Variants in LRIF1 observed in about 807,000 individuals in gnomAD.
LRIF1 encodes the protein ligand-dependent nuclear receptor-interacting factor 1.
Under a neutral mutation model 52.7 loss-of-function variants are expected in LRIF1, and 32 were observed. The observed-to-expected ratio is 0.61, with a 90% CI of 0.46 to 0.82. LRIF1 has a LOEUF of 0.82. Among genes scored for constraint, LRIF1 ranks in the 40% least tolerant of loss-of-function variants. The pLI, the probability that LRIF1 is intolerant of heterozygous loss-of-function variation, is 0.00. For missense variants in LRIF1, 887 were observed against 892.0 expected, an observed-to-expected ratio of 0.99 and a Z score of 0.07; for synonymous variants, 323 against 317.4, an observed-to-expected ratio of 1.02 and a Z score of -0.19.
At chr1:110,946,383 GTTTTGAACAT>G (rs1251831786), downstream of LRIF1, among the ~76,000 whole-genome samples, 2 of 152,160 alleles carry the variant, frequency 1.3e-5, no homozygotes, top group Non-Finnish European at 2.9e-5. Context: ...TTTGGGGGAT[GTTTTGAACAT>G]TTTGAAAATG....
chr1:110,929,323 C>G, the LRIF1 span, among the ~76,000 whole-genome samples: 1 of 152,132 alleles, frequency 6.6e-6, no homozygotes, highest in Non-Finnish European at 1.5e-5. Flanking sequence ...GATTTTGGCT[C>G]TTTGAGGAAT....
intron 1 of LRIF1, among the ~76,000 whole-genome samples, chr1:110,957,490 A>AAAAAAAAAAAAAAAAAAC: frequency 6.7e-6 from 1 of 149,686 alleles, no homozygotes; most frequent in African/African-American, 2.4e-5. Flanking sequence ...AAAAAAAAAA[A>AAAAAAAAAAAAAAAAAAC]AAGACTGCAA....
At chr1:110,954,459 T>C (rs1422707241) in intron 1 of LRIF1, among the ~76,000 whole-genome samples, 1 of 152,270 alleles carries the variant, frequency 6.6e-6, no homozygotes, top group Non-Finnish European at 1.5e-5. Flanking sequence ...TTTTGTATTT[T>C]TTATAGAGGC....
At chr1:110,943,692 A>C (rs912238191), downstream of LRIF1, 2 of 152,154 alleles carry the variant, frequency 1.3e-5, no homozygotes, top group African/African-American at 4.8e-5. Flanking sequence ...ATGTCTGGAT[A>C]TCTGGCCACT....
the LRIF1 span, among the ~76,000 whole-genome samples, chr1:110,904,347 G>A: frequency 5.9e-5 from 9 of 152,274 alleles, no homozygotes; most frequent in East Asian, 1.5e-3. Flanking sequence ...CTGGCTTGAG[G>A]TATGACCCAG....
chr1:110,927,212 TTCAA>T, the LRIF1 span, among the ~76,000 whole-genome samples: 1 of 152,146 alleles, frequency 6.6e-6, no homozygotes, highest in Non-Finnish European at 1.5e-5. Context: ...ATAGTTACGT[TTCAA>T]TCAGAGGAGC....
At chr1:110,900,341 C>A in the LRIF1 span, among the ~76,000 whole-genome samples, 1 of 152,094 alleles carries the variant, frequency 6.6e-6, no homozygotes, top group South Asian at 2.1e-4. Flanking sequence ...GATTCGGCAC[C>A]CAAAACAGAA....
At position 110,952,211 on chromosome 1, in the gene LRIF1, G is replaced by C; in HGVS notation, c.673C>G (p.Gln225Glu). 2 of 1,614,174 alleles carry C rather than the reference G, an allele frequency of 1.2e-6. No homozygotes were observed. The highest frequency in any genetic ancestry group is 1.7e-6 in the Non-Finnish European group (2 of 1,180,036). Residue 225 changes from glutamine to glutamate, a missense_variant, in exon 2 of 4, where the codon CAA becomes GAA. By Grantham distance (29) the Gln-to-Glu change is conservative (BLOSUM62 2). Transcript: ENST00000369763. The part of the protein sequence containing the change: ...TSTSGMVEAS[Q>E]MPTVIYVSPV... ...GATACATAAATAACGGTTGGCATTTGGGAGGCCTCAACCATTCCTGAGGTA... is the reference window on the plus strand; with the variant it reads ...GATACATAAATAACGGTTGGCATTTCGGAGGCCTCAACCATTCCTGAGGTA...
the LRIF1 span, chr1:110,897,643 C>T: frequency 4.2e-6 from 2 of 475,088 alleles, no homozygotes; most frequent in Non-Finnish European, 7.6e-6. Flanking sequence ...TTAATATTTC[C>T]CACCTTATGC....
rs1447418099 is a variant in LRIF1 at position 110,963,699 on chromosome 1, A to G, written c.-11T>C. The G allele has an allele frequency of 6.2e-7, 1 of 1,600,180 alleles. No homozygotes were observed. Among genetic ancestry groups the G allele is most frequent in the Admixed American group, 1.7e-5 (1 of 59,302 alleles). On this transcript the variant is annotated 5_prime_UTR_variant, in exon 1 of 4. Transcript: ENST00000369763. ...TAGGTTATTTGACATTTTAGTGGGG[A>G]GAAAGGGGACACCTCATCCAGAAAA...
the LRIF1 span, among the ~76,000 whole-genome samples, chr1:110,919,924 A>G: frequency 5.9e-5 from 9 of 152,220 alleles, no homozygotes; most frequent in African/African-American, 2.2e-4. Flanking sequence ...GAAGATATAC[A>G]GATGACAAAT....
In LRIF1 at chr1:110,952,601, A is replaced by G. The variant is rs767301300; in HGVS notation, c.283T>C (p.Leu95=). 2.5e-6 allele frequency: 4 copies of G among 1,614,078 alleles called. No homozygotes were observed. The highest frequency in any genetic ancestry group is 2.2e-5 in the East Asian group (1 of 44,874). ...SSSSTSASVQ[L]PIFQPASSSN... is the part of the protein sequence containing the mutation. ...GAACTGGCTGGCTGAAAAATGGGCA[A>G]TTGAACTGATGCACTTGTGGAAGAG... Residue 95 remains leucine, a synonymous_variant, in exon 2 of 4, where the codon TTG becomes CTG. Coordinates refer to ENST00000369763, the MANE Select transcript of LRIF1 (RefSeq NM_018372.4).
the LRIF1 span, among the ~76,000 whole-genome samples, chr1:110,907,003 A>G: frequency 1.3e-5 from 2 of 152,326 alleles, no homozygotes; most frequent in Admixed American, 1.3e-4. Flanking sequence ...GACCAGTAGA[A>G]TATATTAGAG....
intron 3 of LRIF1, 68 bp downstream of exon 3, chr1:110,949,783 T>G (rs1658382420): frequency 6.7e-7 from 1 of 1,491,162 alleles, no homozygotes; most frequent in African/African-American, 1.4e-5. Context: ...TAAAACCAAA[T>G]CAAGAAAAGT....
chr1:110,958,031 T>C (rs948525042), intron 1 of LRIF1, among the ~76,000 whole-genome samples: 12 of 152,334 alleles, frequency 7.9e-5, no homozygotes, highest in South Asian at 6.2e-4. Context: ...GCAGCCACTA[T>C]TGACTATTAT....
chr1:110,888,937 C>A, the LRIF1 span, among the ~76,000 whole-genome samples: 1 of 152,132 alleles, frequency 6.6e-6, no homozygotes, highest in East Asian at 1.9e-4. Context: ...ATGAAATATT[C>A]TTTGATCAAC....
At chr1:110,895,556 A>G in the LRIF1 span, among the ~76,000 whole-genome samples, 2 of 152,192 alleles carry the variant, frequency 1.3e-5, no homozygotes, top group African/African-American at 2.4e-5. Flanking sequence ...TTGCACCAGT[A>G]TAATCTATTT....
chr1:110,944,873 G>C (rs915867825), downstream of LRIF1: 2 of 150,282 alleles, frequency 1.3e-5, no homozygotes, highest in African/African-American at 4.9e-5. Flanking sequence ...TGAAAACACT[G>C]AAAGGGAAAG....
At chr1:110,916,858 A>G in the LRIF1 span, among the ~76,000 whole-genome samples, 2 of 152,234 alleles carry the variant, frequency 1.3e-5, no homozygotes, top group African/African-American at 4.8e-5. Context: ...CTGTCAACTC[A>G]TAAGGAAAAA....
Sources: gnomAD v4.1 joint callset for allele counts (sites outside exome capture counted in the v4.1 genomes callset) on GRCh38, gnomAD v4.1.1 for gene constraint, MANE v1.5 for transcripts, NCBI Gene and HGNC (gene_info 2026-07-23, HGNC 2026-07-21) for gene names.